Variants in STAC observed in about 807,000 individuals in gnomAD.
STAC encodes the protein SH3 and cysteine-rich domain-containing protein.
Under a neutral mutation model 48.8 loss-of-function variants are expected in STAC, and 43 were observed. That is an observed-to-expected ratio of 0.88 (90% CI 0.69 to 1.14). The LOEUF is 1.14. Ranked by LOEUF, STAC falls within the 50% of genes most tolerant of loss-of-function variation. STAC has a pLI of 0.00. For synonymous variants in STAC, 193 were observed against 179.5 expected (o/e 1.07, Z -0.60); for missense variants, 497 against 504.0 (o/e 0.99, Z 0.13).
chr3:36,493,485 CATATAT>C (rs71085127), intron 6 of STAC, among the ~76,000 whole-genome samples: 6,420 of 150,462 alleles, frequency 0.043, 161 homozygotes, highest in South Asian at 0.054. Context: ...AGTATATATA[CATATAT>C]ATATATATAA....
chr3:36,512,969 A>T (rs1698578806), intron 8 of STAC, among the ~76,000 whole-genome samples: 1 of 152,132 alleles, frequency 6.6e-6, no homozygotes, highest in African/African-American at 2.4e-5. Context: ...TCCTTTTAAC[A>T]AAATAGCATT....
At chr3:36,385,475 G>T (rs1328975511) in intron 1 of STAC, among the ~76,000 whole-genome samples, 2 of 152,004 alleles carry the variant, frequency 1.3e-5, no homozygotes, top group African/African-American at 4.8e-5. Flanking sequence ...CTCAGAAAAA[G>T]TTGTATTATA....
intron 6 of STAC, among the ~76,000 whole-genome samples, chr3:36,494,611 T>A (rs1698086814): frequency 6.6e-6 from 1 of 152,190 alleles, no homozygotes; most frequent in Non-Finnish European, 1.5e-5. Flanking sequence ...CCCCAGGATT[T>A]TCCTTCCTAA....
chr3:36,447,976 C>T (rs1436042473), intron 2 of STAC, among the ~76,000 whole-genome samples: 1 of 152,054 alleles, frequency 6.6e-6, no homozygotes, highest in Non-Finnish European at 1.5e-5. Context: ...AATGCAGCAC[C>T]CAGAACTCAG....
At chr3:36,521,665 G>A (rs931834016) in intron 8 of STAC, among the ~76,000 whole-genome samples, 2 of 152,080 alleles carry the variant, frequency 1.3e-5, no homozygotes, top group Non-Finnish European at 2.9e-5. Context: ...AACCATCCCT[G>A]CCAAAAACCT....
intron 2 of STAC, among the ~76,000 whole-genome samples, chr3:36,469,541 G>A (rs948256970): frequency 1.3e-5 from 2 of 152,160 alleles, no homozygotes; most frequent in African/African-American, 2.4e-5. Context: ...TACATAAACT[G>A]ATGACAATGT....
chr3:36,419,318 C>CAT (rs139050749), intron 1 of STAC, among the ~76,000 whole-genome samples: 3,534 of 152,198 alleles, frequency 0.023, 59 homozygotes, highest in East Asian at 0.026. Flanking sequence ...TTTGAAACTG[C>CAT]ATTGTAAATT....
intron 1 of STAC, among the ~76,000 whole-genome samples, chr3:36,398,324 A>AAGC (rs1699899722): frequency 2.1e-5 from 2 of 95,694 alleles, no homozygotes. Context: ...AGAAAGCAAG[A>AAGC]AAGAAAGAAA....
chr3:36,435,456 C>T lies in STAC; in HGVS notation c.112-7908C>T, dbSNP rs192472433. Among the ~76,000 whole-genome samples the T allele has an allele frequency of 2.9e-3, 441 of 152,228 alleles. 3 individuals carry two copies. Among genetic ancestry groups the T allele is most frequent in the African/African-American group, 9.8e-3 (406 of 41,530 alleles). On this transcript the variant is annotated intron_variant, in intron 1 of 10. Transcript: ENST00000273183. The stretch of plus-strand genomic sequence containing the variant: ...GGACATGGCTCCAGCATGCCCCTTT[C>T]TCTCTTATGCATCGTCAGATTTAAT...
chr3:36,414,706 T>A (rs977670093), intron 1 of STAC, among the ~76,000 whole-genome samples: 7 of 152,246 alleles, frequency 4.6e-5, no homozygotes, highest in African/African-American at 1.7e-4. Flanking sequence ...GTTCTGTTGC[T>A]GGTAAGGAGC....
intron 1 of STAC, among the ~76,000 whole-genome samples, chr3:36,420,699 G>A (rs1285908198): frequency 6.6e-6 from 1 of 152,170 alleles, no homozygotes; most frequent in Non-Finnish European, 1.5e-5. Flanking sequence ...CCATGAAACT[G>A]GTCCCTGGTG....
chr3:36,494,098 G>A (rs1214436185), intron 6 of STAC, among the ~76,000 whole-genome samples: 1 of 141,782 alleles, frequency 7.1e-6, no homozygotes, highest in Non-Finnish European at 1.5e-5. Flanking sequence ...CTTGCAGTGA[G>A]CCGAGATCGC....
At chr3:36,392,193 A>G (rs1273057374) in intron 1 of STAC, among the ~76,000 whole-genome samples, 1 of 152,188 alleles carries the variant, frequency 6.6e-6, no homozygotes, top group African/African-American at 2.4e-5. Flanking sequence ...ATATCTGTAC[A>G]TCTGCTAATC....
chr3:36,411,638 G>A (rs1011476852), intron 1 of STAC, among the ~76,000 whole-genome samples: 8 of 152,334 alleles, frequency 5.3e-5, no homozygotes, highest in African/African-American at 1.7e-4. Context: ...AGGAGAGACT[G>A]TTCTTCCATG....
chr3:36,380,651 C>T lies in STAC; in HGVS notation c.8C>T (p.Pro3Leu). 13 of 1,592,308 alleles carry T rather than the reference C, an allele frequency of 8.2e-6. No homozygotes were observed. Among genetic ancestry groups the T allele is most frequent in the Non-Finnish European group, 1.1e-5 (13 of 1,169,454 alleles). The change falls in exon 1 of 11, where the codon CCT becomes CTT. Residue 3 changes from proline (P) to leucine (L), a missense_variant. Coordinates refer to ENST00000273183, the MANE Select transcript of STAC (RefSeq NM_003149.3). ...CGTTCCCGCGCGGCCACGATGATCC[C>T]TCCGAGCAGCCCCCGCGAGGACGGC... MI[P>L]PSSPREDGVD... is the part of the protein sequence containing the mutation.
At chr3:36,427,650 A>T (rs1472239319) in intron 1 of STAC, among the ~76,000 whole-genome samples, 2 of 152,196 alleles carry the variant, frequency 1.3e-5, no homozygotes, top group Admixed American at 1.3e-4. Flanking sequence ...CTTTCAGCTA[A>T]TATTTATTGA....
rs765186092 is a variant in STAC, at chr3:36,461,596, A to G, written c.388+17956A>G. 3.5e-4 allele frequency among the ~76,000 whole-genome samples: 53 copies of G among 152,316 alleles called. 1 individual carries two copies. The highest frequency in any genetic ancestry group is 5.2e-4 in the Admixed American group (8 of 15,296). On this transcript the variant is annotated intron_variant, in intron 2 of 10. Coordinates refer to ENST00000273183, the MANE Select transcript of STAC (RefSeq NM_003149.3). ...AATGATATGGAAAGAAGGAAAATGT[A>G]AAACAAACAAGAAGAGAAAGAAGTG...
intron 1 of STAC, among the ~76,000 whole-genome samples, chr3:36,410,582 A>G (rs1181069683): frequency 6.6e-6 from 1 of 152,182 alleles, no homozygotes; most frequent in African/African-American, 2.4e-5. Flanking sequence ...CTGTATTTAT[A>G]TGCGTGTTTG....
intron 10 of STAC, among the ~76,000 whole-genome samples, chr3:36,540,093 G>C (rs1024366466): frequency 1.3e-5 from 2 of 152,132 alleles, no homozygotes; most frequent in Admixed American, 1.3e-4. Context: ...GGGTCAGAGA[G>C]AGAGAGAGAT....
Sources: gnomAD v4.1 joint callset for allele counts (sites outside exome capture counted in the v4.1 genomes callset) on GRCh38, gnomAD v4.1.1 for gene constraint, MANE v1.5 for transcripts, NCBI Gene and HGNC (gene_info 2026-07-23, HGNC 2026-07-21) for gene names.